The following TSPAN9 variants were observed in gnomAD, a reference collection of about 807,000 sequenced individuals.
TSPAN9 encodes tetraspanin-9.
A neutral mutation model predicts 31.0 loss-of-function variants in TSPAN9; 16 were observed. That is an observed-to-expected ratio of 0.52 (90% CI 0.35 to 0.78). The LOEUF (loss-of-function observed/expected upper bound fraction) is 0.78. Among genes scored for constraint, TSPAN9 ranks in the 30% least tolerant of loss-of-function variants. The pLI, the probability that TSPAN9 is intolerant of heterozygous loss-of-function variation, is 0.01. For missense variants in TSPAN9, 272 were observed against 312.5 expected, an observed-to-expected ratio of 0.87 and a Z score of 0.98; for synonymous variants, 145 against 121.6, an observed-to-expected ratio of 1.19 and a Z score of -1.27.
rs1034080597 is a variant in TSPAN9 at position 3,192,030 on chromosome 12, A to G, written c.-17-9147A>G. Among the ~76,000 whole-genome samples, 1 of 152,120 alleles carries G rather than the reference A, an allele frequency of 6.6e-6. No individual in the cohort carries two copies. Among genetic ancestry groups the G allele is most frequent in the Admixed American group, 6.5e-5 (1 of 15,276 alleles). On this transcript the variant is annotated intron_variant, in intron 2 of 8. Coordinates refer to ENST00000011898, the MANE Select transcript of TSPAN9 (RefSeq NM_006675.5). The surrounding 1 kb of genome is among the most constrained non-coding windows in gnomAD (Gnocchi z 4.6). ...GGGTCCAGGAAGAGCATCCAAGCAG[A>G]GGGAACAGCATGGGCGGAGGCTCTG...
At chr12:3,116,528 C>T (rs1206344708) in intron 2 of TSPAN9, among the ~76,000 whole-genome samples, 5 of 152,120 alleles carry the variant, frequency 3.3e-5, no homozygotes, top group African/African-American at 7.2e-5. Flanking sequence ...CCTGAGGTCA[C>T]GCAGCTCGGC....
At chr12:3,139,501 C>T (rs1007500702) in intron 2 of TSPAN9, among the ~76,000 whole-genome samples, 4 of 152,240 alleles carry the variant, frequency 2.6e-5, no homozygotes, top group African/African-American at 7.2e-5. Flanking sequence ...CCTTCTTGAC[C>T]TGGCCCTTGG....
At position 3,278,953 on chromosome 12, in the gene TSPAN9, C is replaced by T. The variant is rs772574560; in HGVS notation, c.256-39C>T. The T allele has an allele frequency of 1.9e-6, 3 of 1,604,090 alleles. No homozygotes were observed. In the Admixed American group the frequency reaches 5.0e-5, roughly 27 times the overall value. On this transcript the variant is annotated intron_variant, in intron 4 of 8. Transcript: ENST00000011898. ...ACACCCTCCTTGTCCTCAGCCCTGC[C>T]CATTACCACCTACCCATGCCTGGCC... is the stretch of plus-strand genomic sequence containing the variant.
Position 3,280,848 on chromosome 12 carries a change from C to T in TSPAN9, c.433-350C>T, listed in dbSNP as rs1862879204. Among the ~76,000 whole-genome samples the T allele has an allele frequency of 1.3e-5, 2 of 152,154 alleles. No homozygotes were observed. The highest frequency in any genetic ancestry group is 2.9e-5 in the Non-Finnish European group (2 of 68,016). On this transcript the variant is annotated intron_variant, in intron 6 of 8. Transcript: ENST00000011898. This position sits in a 1 kb window ranked among gnomAD's most constrained non-coding sequence, Gnocchi z 4.5. ...TAGTCCCAGATGCTCCCATTTTAAG[C>T]CCTGGGGAGGGGCCGGCAGGGGGTT...
At chr12:3,109,145 C>G (rs1474511023) in intron 2 of TSPAN9, among the ~76,000 whole-genome samples, 1 of 151,846 alleles carries the variant, frequency 6.6e-6, no homozygotes, top group Non-Finnish European at 1.5e-5. Flanking sequence ...ACCGTGTTAG[C>G]CAGGATGGTC....
intron 2 of TSPAN9, among the ~76,000 whole-genome samples, chr12:3,186,876 A>G (rs2098361709): frequency 6.6e-6 from 1 of 151,738 alleles, no homozygotes; most frequent in Non-Finnish European, 1.5e-5. Context: ...CTCTGCCTGG[A>G]GTTTCTTTTG....
intron 3 of TSPAN9, 62 bp from the exon 4 acceptor site, chr12:3,278,359 T>C: frequency 1.3e-6 from 2 of 1,591,558 alleles, no homozygotes; most frequent in Non-Finnish European, 1.7e-6. Context: ...CCTGCACTGT[T>C]CCCAGGTCCA....
At chr12:3,276,708 A>G (rs1002033205) in intron 3 of TSPAN9, among the ~76,000 whole-genome samples, 3 of 152,184 alleles carry the variant, frequency 2.0e-5, no homozygotes, top group African/African-American at 7.2e-5. Flanking sequence ...TGTTGCTTAC[A>G]TAAGGTCAGT....
chr12:3,095,638 C>G (rs1212216185), intron 2 of TSPAN9, among the ~76,000 whole-genome samples: 3 of 142,832 alleles, frequency 2.1e-5, no homozygotes, highest in Admixed American at 1.4e-4. Flanking sequence ...GCTGACCCCC[C>G]CCACCTCCCT....
chr12:3,174,299 T>A (rs1428338384), intron 2 of TSPAN9, among the ~76,000 whole-genome samples: 1 of 152,206 alleles, frequency 6.6e-6, no homozygotes, highest in Non-Finnish European at 1.5e-5. Flanking sequence ...ACTCCTGGCC[T>A]CAAGCGATCC....
chr12:3,101,047 G>T (rs2098311638), intron 2 of TSPAN9, among the ~76,000 whole-genome samples: 1 of 152,196 alleles, frequency 6.6e-6, no homozygotes, highest in African/African-American at 2.4e-5. Flanking sequence ...CTTAATTCTG[G>T]TTGGGGCATT....
At chr12:3,122,646 C>T (rs1275462243) in intron 2 of TSPAN9, among the ~76,000 whole-genome samples, 2 of 152,128 alleles carry the variant, frequency 1.3e-5, no homozygotes, top group Non-Finnish European at 2.9e-5. Context: ...AAGAACCCCT[C>T]TTAACAGAGA....
intron 2 of TSPAN9, among the ~76,000 whole-genome samples, chr12:3,189,614 G>C (rs1438307604): frequency 6.6e-6 from 1 of 152,180 alleles, no homozygotes; most frequent in Non-Finnish European, 1.5e-5. Context: ...GACTGTAAGA[G>C]GCTTGGTAGC....
At chr12:3,115,087 T>A (rs1261090905) in intron 2 of TSPAN9, among the ~76,000 whole-genome samples, 1 of 133,394 alleles carries the variant, frequency 7.5e-6, no homozygotes, top group African/African-American at 2.8e-5. Flanking sequence ...CTGCCCCCAG[T>A]TTTTCTCCCT....
chr12:3,256,246 G>T (rs970058401), intron 3 of TSPAN9, among the ~76,000 whole-genome samples: 2 of 152,230 alleles, frequency 1.3e-5, no homozygotes, highest in African/African-American at 2.4e-5. Context: ...GCCAAACCAC[G>T]TCCGATAGCA....
intron 3 of TSPAN9, among the ~76,000 whole-genome samples, chr12:3,223,432 C>T (rs1261685159): frequency 2.0e-5 from 3 of 152,186 alleles, no homozygotes; most frequent in Admixed American, 6.5e-5. Flanking sequence ...ACAGGGACCT[C>T]GTTTGTTCCA....
chr12:3,231,157 AC>A (rs201992528), intron 3 of TSPAN9, among the ~76,000 whole-genome samples: 2,218 of 151,868 alleles, frequency 0.015, 53 homozygotes, highest in African/African-American at 0.051. Flanking sequence ...CTTTCTTTCT[AC>A]CCTGTGGAGT....
At chr12:3,201,288 C>T in intron 3 of TSPAN9, 32 bp downstream of exon 3, 1 of 1,598,098 alleles carries the variant, frequency 6.3e-7, no homozygotes, top group Non-Finnish European at 8.6e-7. Flanking sequence ...TCCCTTCGCC[C>T]TCTTCTCCTC....
chr12:3,111,399 CTG>C (rs940568299), intron 2 of TSPAN9, among the ~76,000 whole-genome samples: 37 of 152,272 alleles, frequency 2.4e-4, no homozygotes, highest in African/African-American at 8.7e-4. Flanking sequence ...TACTTGTTCA[CTG>C]TGTGACCTTG....
Sources: gnomAD v4.1 joint callset for allele counts (sites outside exome capture counted in the v4.1 genomes callset) on GRCh38, gnomAD v4.1.1 for gene constraint, Gnocchi (gnomAD v3.1) non-coding constraint, MANE v1.5 for transcripts, NCBI Gene and HGNC (gene_info 2026-07-23, HGNC 2026-07-21) for gene names.